The following KDM2A variants were observed in gnomAD, a reference collection of about 807,000 sequenced individuals.
KDM2A encodes lysine demethylase 2A.
KDM2A carries 3 observed loss-of-function variants against 137.3 expected under a neutral mutation model. The ratio of observed to expected loss-of-function variants is 0.02; its 90% CI spans 0.01 to 0.06. The LOEUF (loss-of-function observed/expected upper bound fraction) is 0.06, where lower values mean the gene tolerates loss of function less well. Among genes scored for constraint, KDM2A ranks in the 10% least tolerant of loss-of-function variants. The probability of loss-of-function intolerance (pLI) is 1.00; values close to 1 mark genes in which losing one functional copy is unlikely to be tolerated. For missense variants in KDM2A, 738 were observed against 1,510.6 expected (o/e 0.49, Z 8.48); for synonymous variants, 512 against 541.5 (o/e 0.95, Z 0.76).
At chr11:67,139,847 TAG>T (rs1856054650) in intron 2 of KDM2A, among the ~76,000 whole-genome samples, 1 of 152,134 alleles carries the variant, frequency 6.6e-6, no homozygotes, top group East Asian at 1.9e-4. Context: ...TAGCTGGGAT[TAG>T]AGGCATGTGC....
At chr11:67,214,207 A>ATTTTTTTTTTTTTT (rs58629654) in intron 6 of KDM2A, among the ~76,000 whole-genome samples, 1 of 103,334 alleles carries the variant, frequency 9.7e-6, no homozygotes, top group Non-Finnish European at 1.8e-5. Flanking sequence ...TGCGCAGCTA[A>ATTTTTTTTTTTTTT]TTTTTTTTTT....
intron 6 of KDM2A, among the ~76,000 whole-genome samples, chr11:67,208,476 A>T (rs541651399): frequency 3.9e-5 from 6 of 152,108 alleles, no homozygotes; most frequent in African/African-American, 1.4e-4. Flanking sequence ...GGAATATTAA[A>T]ATTCAACCTT....
chr11:67,120,201 C>T (rs1855566262), intron 1 of KDM2A, among the ~76,000 whole-genome samples, 152 bp downstream of exon 1: 1 of 152,224 alleles, frequency 6.6e-6, no homozygotes. Context: ...TTTTTCCTCT[C>T]CGGCCCTGGC....
chr11:67,138,322 A>G (rs912081050), intron 2 of KDM2A, among the ~76,000 whole-genome samples: 5 of 152,246 alleles, frequency 3.3e-5, no homozygotes, highest in African/African-American at 9.6e-5. Flanking sequence ...AGAACACAGT[A>G]AGTGAATTTC....
chr11:67,177,117 C>G (rs1398485894), intron 2 of KDM2A, among the ~76,000 whole-genome samples: 3 of 152,008 alleles, frequency 2.0e-5, no homozygotes, highest in African/African-American at 7.2e-5. Flanking sequence ...ATTAGCCGGG[C>G]ATATTACTCG....
At chr11:67,136,663 CA>C (rs1186411976) in intron 2 of KDM2A, among the ~76,000 whole-genome samples, 2 of 152,284 alleles carry the variant, frequency 1.3e-5, no homozygotes, top group East Asian at 3.9e-4. Flanking sequence ...GAGTGATGAA[CA>C]GCCAATCTTG....
At chr11:67,142,596 G>C (rs1009403338) in intron 2 of KDM2A, among the ~76,000 whole-genome samples, 13 of 150,100 alleles carry the variant, frequency 8.7e-5, no homozygotes, top group Non-Finnish European at 1.9e-4. Context: ...TTGGGGTTGG[G>C]GGGGCGTCAA....
At chr11:67,248,434 A>T in intron 16 of KDM2A, 64 bp downstream of exon 16, 2 of 1,141,050 alleles carry the variant, frequency 1.8e-6, no homozygotes, top group South Asian at 2.7e-5. Flanking sequence ...GGGGATTGCT[A>T]CACGTTTGCC....
chr11:67,121,466 C>A, intron 2 of KDM2A, 108 bp downstream of exon 2: 1 of 1,046,100 alleles, frequency 9.6e-7, no homozygotes, highest in Non-Finnish European at 1.5e-6. Context: ...TTTCGGGTGA[C>A]TTTTCTGTGC....
At position 67,245,202 on chromosome 11, in the gene KDM2A, C is replaced by T; in HGVS notation, c.1577C>T (p.Thr526Ile). The T allele has an allele frequency of 6.2e-7, 1 of 1,613,016 alleles. No individual in the cohort carries two copies. Among genetic ancestry groups the T allele is most frequent in the South Asian group, 1.1e-5 (1 of 91,088 alleles). ...TTCTCTTTCCAGCTTAAATTCCCCA[C>T]TCGGCCAAAGGTGCGGGTTCCTACC... ...WPKRDKLKFP[T>I]RPKVRVPTIP... Residue 526 changes from threonine to isoleucine, a missense_variant, in exon 14 of 21, where the codon ACT becomes ATT. Transcript: ENST00000529006. This position sits in a 1 kb window ranked among gnomAD's most constrained non-coding sequence, Gnocchi z 4.1.
At chr11:67,189,097 A>G (rs983773920) in intron 5 of KDM2A, among the ~76,000 whole-genome samples, 1 of 152,184 alleles carries the variant, frequency 6.6e-6, no homozygotes, top group African/African-American at 2.4e-5. Context: ...CCTACCTAAC[A>G]GCAATAGCAT....
intron 2 of KDM2A, among the ~76,000 whole-genome samples, chr11:67,124,858 CTTTCTTTTTT>C (rs1274020688): frequency 6.7e-6 from 1 of 150,036 alleles, no homozygotes; most frequent in African/African-American, 2.5e-5. Flanking sequence ...CTTTCTTTTT[CTTTCTTTTTT>C]TTTTTTTGAG....
chr11:67,229,153 T>C (rs1361592998), intron 11 of KDM2A, among the ~76,000 whole-genome samples: 1 of 152,222 alleles, frequency 6.6e-6, no homozygotes, highest in African/African-American at 2.4e-5. Flanking sequence ...ATTCTTATTA[T>C]TACCTGAGAG....
In KDM2A at chr11:67,255,908, T is replaced by C. The variant is rs1238744175; in HGVS notation, c.*853T>C. 2 of 238,246 alleles carry C rather than the reference T, an allele frequency of 8.4e-6. No individual in the cohort carries two copies. Among genetic ancestry groups the C allele is most frequent in the African/African-American group, 4.6e-5 (2 of 43,324 alleles). The allele number at this position is 238,246 out of a possible 1,614,324, so 14.8% of individuals were successfully genotyped here. A position where few individuals can be genotyped will look rare whatever the true frequency, so the allele number is the denominator to read the frequency against. ...TGCCCTTTTCCATGTGTCTTCATTC[T>C]GCCTGAAGAAGGCTTTCCCAGGATG... On this transcript the variant is annotated 3_prime_UTR_variant, in exon 21 of 21. Transcript: ENST00000529006.
At position 67,254,135 on chromosome 11, in the gene KDM2A, G is replaced by A; in HGVS notation, c.3092-68G>A. 7.0e-7 allele frequency: 1 copy of A among 1,436,608 alleles called. No homozygotes were observed. Among genetic ancestry groups the A allele is most frequent in the Non-Finnish European group, 9.5e-7 (1 of 1,048,344 alleles). 89.0% of individuals were successfully genotyped at this position (1,436,608 alleles called of 1,614,324 possible). A position where few individuals can be genotyped will look rare whatever the true frequency, so the allele number is the denominator to read the frequency against. On this transcript the variant is annotated intron_variant, in intron 19 of 20. Coordinates refer to ENST00000529006, the MANE Select transcript of KDM2A (RefSeq NM_012308.3). This position sits in a 1 kb window ranked among gnomAD's most constrained non-coding sequence, Gnocchi z 4.7. ...GCCTGGCCAGCAAGTAGCTGTTGCT[G>A]CCTGGAGCCTTGAAGCTGGATTAGA...
chr11:67,133,301 C>A (rs1855893166), intron 2 of KDM2A, among the ~76,000 whole-genome samples: 1 of 151,914 alleles, frequency 6.6e-6, no homozygotes, highest in Admixed American at 6.6e-5. Flanking sequence ...GGTGTTTTAC[C>A]ATGTTGGTCA....
chr11:67,217,496 T>A, intron 8 of KDM2A: 1 of 517,982 alleles, frequency 1.9e-6, no homozygotes, highest in Non-Finnish European at 3.5e-6. Context: ...GAGTCCTGGA[T>A]GGTGTATAGT....
intron 12 of KDM2A, among the ~76,000 whole-genome samples, chr11:67,235,526 C>T (rs1428855549): frequency 6.6e-6 from 1 of 151,946 alleles, no homozygotes; most frequent in Non-Finnish European, 1.5e-5. Context: ...TGGTCTTGAA[C>T]TCCTGACCTC....
At chr11:67,187,548 TTTTA>T (rs138753050) in intron 5 of KDM2A, among the ~76,000 whole-genome samples, 4,280 of 147,506 alleles carry the variant, frequency 0.029, 68 homozygotes, top group East Asian at 0.048. Context: ...ATTTAATTGA[TTTTA>T]TTTATTTATT....
Sources: allele counts gnomAD v4.1 joint callset (sites outside exome capture counted in the v4.1 genomes callset), GRCh38; gene constraint gnomAD v4.1.1; non-coding constraint Gnocchi (gnomAD v3.1); transcripts MANE v1.5; gene names NCBI Gene and HGNC (gene_info 2026-07-23, HGNC 2026-07-21).